Variants in PLA2G2D observed in about 807,000 individuals in gnomAD.
The protein encoded by PLA2G2D is group IID secretory phospholipase A2.
A neutral mutation model predicts 13.9 loss-of-function variants in PLA2G2D; 17 were observed. The ratio of observed to expected loss-of-function variants is 1.23; its 90% CI spans 0.84 to 1.84. PLA2G2D has a LOEUF of 1.84. Among genes scored for constraint, PLA2G2D ranks in the 40% most tolerant of loss-of-function variants. The probability of loss-of-function intolerance (pLI) is 0.00; values close to 1 mark genes in which losing one functional copy is unlikely to be tolerated. For synonymous variants in PLA2G2D, 83 were observed against 69.3 expected (o/e 1.20, Z -0.98); for missense variants, 194 against 178.7 (o/e 1.09, Z -0.49).
Position 20,119,524 on chromosome 1 carries a change from A to G in PLA2G2D, c.-26T>C. 6.2e-7 allele frequency: 1 copy of G among 1,612,556 alleles called. No homozygotes were observed. Among genetic ancestry groups the G allele is most frequent in the Non-Finnish European group, 8.5e-7 (1 of 1,178,702 alleles). The stretch of plus-strand genomic sequence containing the variant: ...GATCCCAGCACAGAGCAGTGGAGGC[A>G]GATGCTGGCAGTCCCTTTCCATGCA... On this transcript the variant is annotated 5_prime_UTR_variant, in exon 1 of 4. Coordinates refer to ENST00000375105, the MANE Select transcript of PLA2G2D (RefSeq NM_012400.4).
At chr1:20,117,983 C>T (rs570721979) in intron 1 of PLA2G2D, among the ~76,000 whole-genome samples, 83 of 152,274 alleles carry the variant, frequency 5.5e-4, no homozygotes, top group African/African-American at 2.0e-3. Context: ...GTTGCCACGC[C>T]TGTTTGACAT....
chr1:20,115,152 T>A (rs1318614268), intron 3 of PLA2G2D, among the ~76,000 whole-genome samples: 1 of 152,200 alleles, frequency 6.6e-6, no homozygotes, highest in Non-Finnish European at 1.5e-5. Context: ...TAGCTCTGTG[T>A]AATTTATTAT....
chr1:20,119,430 TC>T, intron 1 of PLA2G2D, 28 bp downstream of exon 1: 1 of 1,604,354 alleles, frequency 6.2e-7, no homozygotes, highest in Non-Finnish European at 8.5e-7. Flanking sequence ...CTCCTTCCCT[TC>T]CCAGCCTGGG....
chr1:20,118,336 G>A (rs979992120), intron 1 of PLA2G2D, among the ~76,000 whole-genome samples: 1 of 152,110 alleles, frequency 6.6e-6, no homozygotes, highest in African/African-American at 2.4e-5. Context: ...GAATGCTTTC[G>A]GGTGGTCTTA....
intron 3 of PLA2G2D, among the ~76,000 whole-genome samples, 200 bp from the exon 4 acceptor site, chr1:20,114,459 C>T (rs1454469796): frequency 6.6e-6 from 1 of 152,164 alleles, no homozygotes; most frequent in Non-Finnish European, 1.5e-5. Context: ...ATTTATTCAC[C>T]CATTCATTAA....
At chr1:20,118,908 T>G (rs954624604) in intron 1 of PLA2G2D, among the ~76,000 whole-genome samples, 1 of 152,182 alleles carries the variant, frequency 6.6e-6, no homozygotes, top group African/African-American at 2.4e-5. Flanking sequence ...CATTTTAAAA[T>G]GCAAGTCTTT....
rs2016901057 is a variant in PLA2G2D, at chr1:20,112,335, C to T, written c.*1779G>A. 1 of 152,146 alleles carries T rather than the reference C, an allele frequency of 6.6e-6. No individual in the cohort carries two copies. The highest frequency in any genetic ancestry group is 2.1e-4 in the South Asian group (1 of 4,828). The allele number at this position is 152,146 out of a possible 1,614,324, so 9.4% of individuals were successfully genotyped here. A position where few individuals can be genotyped will look rare whatever the true frequency, so the allele number is the denominator to read the frequency against. On this transcript the variant is annotated 3_prime_UTR_variant, in exon 4 of 4. Transcript: ENST00000375105. Reference sequence around the variant, plus strand: ...TGAGAAGGTATGGAGATTTCCCTACCCTGTTCCCCCACACAGGCACAGCTG... The same window carrying T: ...TGAGAAGGTATGGAGATTTCCCTACTCTGTTCCCCCACACAGGCACAGCTG...
In PLA2G2D at chr1:20,113,898, C is replaced by T. The variant is rs1241774476; in HGVS notation, c.*216G>A. The T allele has an allele frequency of 4.2e-6, 2 of 477,796 alleles. No individual in the cohort carries two copies. The highest frequency in any genetic ancestry group is 6.8e-5 in the East Asian group (2 of 29,436). The allele number at this position is 477,796 out of a possible 1,614,324, so 29.6% of individuals were successfully genotyped here. The stretch of plus-strand genomic sequence containing the variant: ...GAGGGCTCCCTTGCTTGGGCTTCTC[C>T]CAAGATTCCCATCCACCCTCAGAGG... On this transcript the variant is annotated 3_prime_UTR_variant, in exon 4 of 4. Coordinates refer to ENST00000375105, the MANE Select transcript of PLA2G2D (RefSeq NM_012400.4).
In PLA2G2D at chr1:20,112,475, C is replaced by G. The variant is rs1196320432; in HGVS notation, c.*1639G>C. 1.3e-5 allele frequency: 2 copies of G among 152,154 alleles called. No individual in the cohort carries two copies. The highest frequency in any genetic ancestry group is 4.8e-5 in the African/African-American group (2 of 41,396). The allele number at this position is 152,154 out of a possible 1,614,324, so 9.4% of individuals were successfully genotyped here. A position where few individuals can be genotyped will look rare whatever the true frequency, so the allele number is the denominator to read the frequency against. On this transcript the variant is annotated 3_prime_UTR_variant, in exon 4 of 4. Coordinates refer to ENST00000375105, the MANE Select transcript of PLA2G2D (RefSeq NM_012400.4). ...CATGAGTCACCACATCTCAGAACTGCTCAGTCAGCTGAGGCACAGATGGTG... is the reference window on the plus strand; with the variant it reads ...CATGAGTCACCACATCTCAGAACTGGTCAGTCAGCTGAGGCACAGATGGTG...
At position 20,112,534 on chromosome 1, in the gene PLA2G2D, C is replaced by T. The variant is rs537722824; in HGVS notation, c.*1580G>A. On this transcript the variant is annotated 3_prime_UTR_variant, in exon 4 of 4. Transcript: ENST00000375105. ...CCAGAGTGTGGGTGACTGCAGGTGC[C>T]TCAGCCCCCTGGCTGGAAACAGCTA... 4 of 152,304 alleles carry T rather than the reference C, an allele frequency of 2.6e-5. No homozygotes were observed. The highest frequency in any genetic ancestry group is 7.2e-5 in the African/African-American group (3 of 41,548). The allele number at this position is 152,304 out of a possible 1,614,324, so 9.4% of individuals were successfully genotyped here.
chr1:20,117,092 G>A (rs976193555), intron 1 of PLA2G2D, among the ~76,000 whole-genome samples: 2 of 152,148 alleles, frequency 1.3e-5, no homozygotes, highest in African/African-American at 4.8e-5. Flanking sequence ...AATTCCAGAT[G>A]TACAAAAAAG....
chr1:20,116,117 G>A (rs2016984755), intron 2 of PLA2G2D, among the ~76,000 whole-genome samples: 1 of 152,204 alleles, frequency 6.6e-6, no homozygotes, highest in Non-Finnish European at 1.5e-5. Context: ...GGATGGGAGT[G>A]CAAGGGGGCG....
chr1:20,116,250 T>C, intron 2 of PLA2G2D, 83 bp downstream of exon 2: 1 of 1,381,912 alleles, frequency 7.2e-7, no homozygotes, highest in Non-Finnish European at 1.0e-6. Context: ...TCAACTCAAC[T>C]AAATGAACAG....
rs1364217981 is a variant in PLA2G2D, at chr1:20,115,602, G to A, written c.197C>T (p.Thr66Ile). 6.2e-7 allele frequency: 1 copy of A among 1,609,294 alleles called. No homozygotes were observed. The highest frequency in any genetic ancestry group is 8.5e-7 in the Non-Finnish European group (1 of 1,175,676). ...PKDATDWCCQ[T>I]HDCCYDHLKT... ...CAGGTGGTCATAGCAGCAGTCATGG[G>A]TCTGGCAGCACCTGGAGCAGACAGG... Residue 66 changes from threonine (T) to isoleucine (I), a missense_variant, in exon 3 of 4, where the codon ACC becomes ATC. Coordinates refer to ENST00000375105, the MANE Select transcript of PLA2G2D (RefSeq NM_012400.4).
chr1:20,119,404 G>A (rs368509148), intron 1 of PLA2G2D, 55 bp downstream of exon 1: 75 of 1,446,752 alleles, frequency 5.2e-5, no homozygotes, highest in Admixed American at 5.0e-4. Flanking sequence ...GAGAGCACAG[G>A]GGTACACTGG....
chr1:20,118,759 A>G (rs1387348124), intron 1 of PLA2G2D, among the ~76,000 whole-genome samples: 5 of 152,100 alleles, frequency 3.3e-5, no homozygotes, highest in African/African-American at 1.2e-4. Context: ...TGTGTATTTG[A>G]TCTCTACAGT....
intron 3 of PLA2G2D, 136 bp downstream of exon 3, chr1:20,115,371 T>A: frequency 1.5e-6 from 1 of 667,076 alleles, no homozygotes; most frequent in Non-Finnish European, 2.8e-6. Flanking sequence ...TTCTTGCCTC[T>A]TCACAGCCCA....
intron 1 of PLA2G2D, among the ~76,000 whole-genome samples, chr1:20,117,260 A>G (rs2017008171): frequency 6.6e-6 from 1 of 152,182 alleles, no homozygotes; most frequent in African/African-American, 2.4e-5. Context: ...TAACTTGCTC[A>G]GAGTCTTAGT....
chr1:20,114,936 C>T (rs1224210712), intron 3 of PLA2G2D, among the ~76,000 whole-genome samples: 1 of 152,150 alleles, frequency 6.6e-6, no homozygotes, highest in African/African-American at 2.4e-5. Flanking sequence ...GCCCTGAGGA[C>T]CTGCTACATT....
Sources: allele counts gnomAD v4.1 joint callset (sites outside exome capture counted in the v4.1 genomes callset), GRCh38; gene constraint gnomAD v4.1.1; transcripts MANE v1.5; gene names NCBI Gene and HGNC (gene_info 2026-07-23, HGNC 2026-07-21).